Variants in DNAH8 observed in about 807,000 individuals in gnomAD.
DNAH8 encodes axonemal beta dynein heavy chain 8.
DNAH8 carries 382 observed loss-of-function variants against 562.1 expected under a neutral mutation model. The observed-to-expected ratio is 0.68, with a 90% CI of 0.63 to 0.74. The LOEUF is 0.74. Ranked by LOEUF, DNAH8 falls within the 30% of genes least tolerant of loss-of-function variation. DNAH8 has a pLI of 0.00. For synonymous variants in DNAH8, 1,881 were observed against 1,919.4 expected, an observed-to-expected ratio of 0.98 and a Z score of 0.52; for missense variants, 5,203 against 5,620.4, an observed-to-expected ratio of 0.93 and a Z score of 2.37.
chr6:38,742,222 G>A (rs1698991), intron 8 of DNAH8, among the ~76,000 whole-genome samples: 38,929 of 152,030 alleles, frequency 0.26, 5,924 homozygotes, highest in Non-Finnish European at 0.35. Flanking sequence ...CAAAAGTAAA[G>A]TACATCTCAT....
At chr6:38,883,801 G>T in intron 55 of DNAH8, 75 bp from the exon 56 acceptor site, 1 of 1,225,336 alleles carries the variant, frequency 8.2e-7, no homozygotes, top group Non-Finnish European at 1.1e-6. Context: ...ATTCTACTCT[G>T]ACAAGAATGC....
chr6:38,845,143 A>G (rs1020688941), intron 35 of DNAH8, among the ~76,000 whole-genome samples: 4 of 152,234 alleles, frequency 2.6e-5, no homozygotes, highest in African/African-American at 9.6e-5. Flanking sequence ...AGATATTCAT[A>G]TTAGGACCAG....
chr6:38,756,532 T>A (rs542902266), intron 10 of DNAH8, among the ~76,000 whole-genome samples: 2 of 152,222 alleles, frequency 1.3e-5, no homozygotes, highest in East Asian at 3.9e-4. Context: ...TTCTTTTTTT[T>A]ATTATACATT....
chr6:38,951,766 G>A (rs1012814156), intron 82 of DNAH8, among the ~76,000 whole-genome samples: 1 of 151,842 alleles, frequency 6.6e-6, no homozygotes, highest in Admixed American at 6.6e-5. Flanking sequence ...TGTGTTTTAA[G>A]TTCTAAGGAG....
chr6:38,956,590 CA>C (rs1362712541), intron 82 of DNAH8, among the ~76,000 whole-genome samples: 1 of 152,210 alleles, frequency 6.6e-6, no homozygotes, highest in Non-Finnish European at 1.5e-5. Context: ...TGCTGGAAGA[CA>C]AACCCATCTG....
At chr6:38,836,882 C>T (rs1474457147) in intron 32 of DNAH8, among the ~76,000 whole-genome samples, 2 of 151,664 alleles carry the variant, frequency 1.3e-5, no homozygotes, top group Non-Finnish European at 3.0e-5. Flanking sequence ...ATGTTACTTG[C>T]AACCTGAAGG....
rs746589404 is a variant in DNAH8 at position 38,909,744 on chromosome 6, G to A, written c.9740G>A (p.Arg3247Lys). ...VSESCESYFQ[R>K]YRRRAHVTPK... is the part of the protein sequence containing the mutation. ...GAGAGCTGTGAAAGTTATTTCCAAAGGTAAGTGATATTACATAAGCACCAT... is the reference window on the plus strand; with the variant it reads ...GAGAGCTGTGAAAGTTATTTCCAAAAGTAAGTGATATTACATAAGCACCAT... Residue 3247 changes from arginine (R) to lysine (K), a missense_variant and splice_region_variant, in exon 65 of 93, where the codon AGA becomes AAA. Arg to Lys is a conservative substitution (Grantham distance 26). Coordinates refer to ENST00000327475, the MANE Select transcript of DNAH8 (RefSeq NM_001206927.2). The A allele has an allele frequency of 1.9e-6, 3 of 1,612,756 alleles. No individual in the cohort carries two copies. Among genetic ancestry groups the A allele is most frequent in the East Asian group, 4.5e-5 (2 of 44,830 alleles).
chr6:38,832,930 C>A (rs1055127430), intron 31 of DNAH8, among the ~76,000 whole-genome samples: 6 of 151,792 alleles, frequency 4.0e-5, no homozygotes, highest in Non-Finnish European at 7.4e-5. Flanking sequence ...GGGCTGAATT[C>A]TCATGGTAGA....
chr6:38,756,982 C>T (rs1327040192), intron 10 of DNAH8, among the ~76,000 whole-genome samples: 9 of 151,956 alleles, frequency 5.9e-5, no homozygotes, highest in Admixed American at 1.3e-4. Context: ...AATAAACATA[C>T]GTGTGCATGT....
Position 38,775,763 on chromosome 6 carries a change from A to G in DNAH8, c.1774A>G (p.Met592Val). 1 of 1,581,864 alleles carries G rather than the reference A, an allele frequency of 6.3e-7. No individual in the cohort carries two copies. Among genetic ancestry groups the G allele is most frequent in the Non-Finnish European group, 8.6e-7 (1 of 1,157,342 alleles). Reference sequence around the variant, plus strand: ...CATTTCTCTTTTTAAGATTACAGAAATGATAACTGTTGTGCAAACATATTC... The same window carrying G: ...CATTTCTCTTTTTAAGATTACAGAAGTGATAACTGTTGTGCAAACATATTC... Reference protein sequence around the residue: ...FCKRLEKITEMITVVQTYSTL... With the variant: ...FCKRLEKITEVITVVQTYSTL... The change falls in exon 13 of 93, where the codon ATG (methionine) becomes GTG (valine). Residue 592 changes from methionine to valine, a missense_variant. By Grantham distance (21) the Met-to-Val change is conservative (BLOSUM62 1). Around this residue, in one of 6 missense-constraint regions of DNAH8, gnomAD observed 2,176 missense variants for 2,365.1 expected, o/e 0.92. Coordinates refer to ENST00000327475, the MANE Select transcript of DNAH8 (RefSeq NM_001206927.2).
chr6:39,004,711 G>A (rs1279594031), intron 88 of DNAH8, among the ~76,000 whole-genome samples: 3 of 152,156 alleles, frequency 2.0e-5, no homozygotes, highest in Admixed American at 1.3e-4. Flanking sequence ...CCAGCCTCAG[G>A]CAATTGCTAA....
chr6:38,941,518 T>G (rs968988345), intron 79 of DNAH8, among the ~76,000 whole-genome samples: 1 of 152,186 alleles, frequency 6.6e-6, no homozygotes, highest in Non-Finnish European at 1.5e-5. Context: ...TTCACAGGTC[T>G]AATGCACTTA....
rs765418776 is a variant in DNAH8 at position 38,807,621 on chromosome 6, G to A, written c.3162G>A (p.Glu1054=). 3.9e-6 allele frequency: 6 copies of A among 1,532,658 alleles called. No homozygotes were observed. The highest frequency in any genetic ancestry group is 1.4e-5 in the South Asian group (1 of 73,078). 94.9% of individuals were successfully genotyped at this position (1,532,658 alleles called of 1,614,324 possible). ...ATTTCTTATTACAGGAGTGTAAAGA[G>A]GTCTTTGCTTTTTTCTCTCATCAAT... ...KEDEFKKECK[E]VFAFFSHQLL... The change falls in exon 24 of 93, where the codon GAG becomes GAA. Residue 1054 remains glutamate, a synonymous_variant. Coordinates refer to ENST00000327475, the MANE Select transcript of DNAH8 (RefSeq NM_001206927.2).
chr6:39,028,073 T>A (rs1336618489), intron 92 of DNAH8, among the ~76,000 whole-genome samples: 2 of 152,094 alleles, frequency 1.3e-5, no homozygotes, highest in Non-Finnish European at 2.9e-5. Flanking sequence ...TCTTCCACAT[T>A]CCTGTCTGAG....
intron 21 of DNAH8, among the ~76,000 whole-genome samples, chr6:38,798,232 C>T (rs1365033727): frequency 1.3e-5 from 2 of 152,096 alleles, no homozygotes; most frequent in Admixed American, 1.3e-4. Context: ...CATGGTTGCA[C>T]AAGTCTGTGA....
At chr6:39,011,393 C>T (rs570931672) in intron 89 of DNAH8, among the ~76,000 whole-genome samples, 1 of 152,188 alleles carries the variant, frequency 6.6e-6, no homozygotes, top group East Asian at 1.9e-4. Context: ...TCTCCCACTC[C>T]ATGTGTCCCT....
At position 38,973,745 on chromosome 6, in the gene DNAH8, A is replaced by G. The variant is rs1202066483; in HGVS notation, c.12610A>G (p.Ser4204Gly). The change falls in exon 84 of 93, where the codon AGT becomes GGT. Residue 4204 changes from serine (S) to glycine (G), a missense_variant. This residue lies in a region of DNAH8 where 1,399 missense variants were observed against 1,518.4 expected (regional missense o/e 0.92). Transcript: ENST00000327475. ...LLETLITTEA[S>G]DDSFRVWITT... ...AGAGACGCTAATTACCACTGAAGCC[A>G]GTGATGATTCTTTCCGAGTATGGAT... The G allele has an allele frequency of 1.2e-6, 2 of 1,611,530 alleles. No individual in the cohort carries two copies. Among genetic ancestry groups the G allele is most frequent in the East Asian group, 4.5e-5 (2 of 44,658 alleles).
chr6:38,980,060 A>G (rs1296836248), intron 85 of DNAH8, among the ~76,000 whole-genome samples: 5 of 152,110 alleles, frequency 3.3e-5, no homozygotes, highest in Non-Finnish European at 5.9e-5. Context: ...TGCTCCTGGT[A>G]TAATCTGGAA....
At chr6:38,874,038 TTTTC>T (rs1554124108) in intron 52 of DNAH8, among the ~76,000 whole-genome samples, 382 of 21,066 alleles carry the variant, frequency 0.018, 60 homozygotes, top group African/African-American at 0.05. Context: ...TTTTCTTTTC[TTTTC>T]TTTCTTTCTT....
Sources: gnomAD v4.1 joint callset for allele counts (sites outside exome capture counted in the v4.1 genomes callset) on GRCh38, gnomAD v4.1.1 for gene constraint, gnomAD v4.1.1 regional missense constraint, MANE v1.5 for transcripts, NCBI Gene and HGNC (gene_info 2026-07-23, HGNC 2026-07-21) for gene names.